ATP8B4: variants seen among roughly 807,000 people sequenced by gnomAD.
ATP8B4 encodes ATPase phospholipid transporting 8B4 (putative).
In ATP8B4, 133 loss-of-function variants were observed where a neutral mutation model predicts 145.6. The ratio of observed to expected loss-of-function variants is 0.91; its 90% CI spans 0.79 to 1.05. ATP8B4 has a LOEUF of 1.05. Ranked by LOEUF, ATP8B4 falls within the 50% of genes least tolerant of loss-of-function variation. ATP8B4 has a pLI of 0.00. For missense variants in ATP8B4, 1,458 were observed against 1,425.2 expected (o/e 1.02, Z -0.37); for synonymous variants, 507 against 492.9 (o/e 1.03, Z -0.38).
At chr15:49,935,913 A>G (rs2041697241) in intron 14 of ATP8B4, among the ~76,000 whole-genome samples, 1 of 152,140 alleles carries the variant, frequency 6.6e-6, no homozygotes, top group African/African-American at 2.4e-5. Flanking sequence ...CAGTTCATCA[A>G]TTATAAACAC....
At chr15:49,977,624 T>C (rs2045786069) in intron 12 of ATP8B4, among the ~76,000 whole-genome samples, 1 of 152,034 alleles carries the variant, frequency 6.6e-6, no homozygotes, top group Non-Finnish European at 1.5e-5. Context: ...TATGTGGAAG[T>C]GTAAAATATA....
Position 49,972,637 on chromosome 15 carries a change from G to A in ATP8B4, c.1188C>T (p.Thr396=). 3.1e-6 allele frequency: 5 copies of A among 1,613,810 alleles called. No homozygotes were observed. Among genetic ancestry groups the A allele is most frequent in the South Asian group, 1.1e-5 (1 of 91,058 alleles). The change falls in exon 13 of 28, where the codon ACC becomes ACT. Residue 396 remains threonine (T), a synonymous_variant. Transcript: ENST00000284509. ...IEYIFSDKTG[T]LTQNIMTFKR... ...TAAAGGTCATGATGTTTTGAGTGAG[G>A]GTACCCGTTTTGTCGGAGAAAATGT...
chr15:50,160,300 C>T (rs1276860472), intron 1 of ATP8B4, among the ~76,000 whole-genome samples: 1 of 151,394 alleles, frequency 6.6e-6, no homozygotes, highest in Admixed American at 6.6e-5. Context: ...CTTAGTCTGG[C>T]TAAAGATTTG....
intron 21 of ATP8B4, among the ~76,000 whole-genome samples, chr15:49,899,098 T>C (rs768389527): frequency 6.6e-6 from 1 of 152,238 alleles, no homozygotes; most frequent in Non-Finnish European, 1.5e-5. Context: ...GCATTCCTTT[T>C]GAGTTTCATC....
intron 1 of ATP8B4, among the ~76,000 whole-genome samples, chr15:50,128,384 G>A (rs1033346372): frequency 5.3e-5 from 8 of 152,244 alleles, no homozygotes; most frequent in African/African-American, 1.9e-4. Context: ...GGAGCAGTAT[G>A]GAACACTGGA....
intron 3 of ATP8B4, among the ~76,000 whole-genome samples, chr15:50,050,926 C>T (rs1340147841): frequency 6.6e-6 from 1 of 152,122 alleles, no homozygotes; most frequent in Non-Finnish European, 1.5e-5. Context: ...TTTGGGGTAA[C>T]TTGTTTTAGG....
Position 50,106,981 on chromosome 15 carries a change from T to G in ATP8B4, c.-15A>C. 6.3e-7 allele frequency: 1 copy of G among 1,583,858 alleles called. No individual in the cohort carries two copies. Among genetic ancestry groups the G allele is most frequent in the African/African-American group, 1.4e-5 (1 of 73,682 alleles). On this transcript the variant is annotated 5_prime_UTR_variant, in exon 2 of 28. Transcript: ENST00000284509. ...CTGCAGAACATTATTATACCTGATC[T>G]TTCACCAGGTCTCAACAGGTGGCCT...
rs185864923 is a variant in ATP8B4 at position 49,900,701 on chromosome 15, C to A, written c.2289+391G>T. On this transcript the variant is annotated intron_variant, in intron 21 of 27. Transcript: ENST00000284509. ...TACATGAAGGTCAGGTTGTGCTCCA[C>A]AAATCACAAACATTAGTAAGAGCAA... 3.0e-4 allele frequency among the ~76,000 whole-genome samples: 46 copies of A among 152,238 alleles called. No homozygotes were observed. The East Asian group carries it at 8.9e-3, about 29-fold the overall frequency.
At chr15:49,982,577 C>G (rs1027222589) in intron 10 of ATP8B4, 1 of 152,074 alleles carries the variant, frequency 6.6e-6, no homozygotes, top group African/African-American at 2.4e-5. Flanking sequence ...AAAACACACA[C>G]ACACATACAC....
chr15:49,977,860 C>G (rs909477826), intron 12 of ATP8B4, among the ~76,000 whole-genome samples: 2 of 151,616 alleles, frequency 1.3e-5, no homozygotes, highest in African/African-American at 2.4e-5. Context: ...TCTTTTAATC[C>G]CCTTATTTTA....
In ATP8B4 at chr15:49,918,360, T is replaced by C. The variant is rs543311648; in HGVS notation, c.2035+479A>G. Among the ~76,000 whole-genome samples the C allele has an allele frequency of 6.6e-5, 10 of 152,294 alleles. No homozygotes were observed. In the South Asian group the frequency reaches 2.1e-3, roughly 32 times the overall value. On this transcript the variant is annotated intron_variant, in intron 19 of 27. Transcript: ENST00000284509. ...TAAAATACCAAAATATTTCTATAAA[T>C]GGTTGATAAACAGCTGTTTCCCTGA...
rs564082011 is a variant in ATP8B4, at chr15:49,987,368, T to C, written c.748+23A>G. ...GTTGCAGGAAAGGTTCCCACAGAGCTGGCCTTGGGTCACATGCTGTACCTG... is the reference window on the plus strand; with the variant it reads ...GTTGCAGGAAAGGTTCCCACAGAGCCGGCCTTGGGTCACATGCTGTACCTG... On this transcript the variant is annotated intron_variant, in intron 10 of 27. Transcript: ENST00000284509. 28 of 1,610,292 alleles carry C rather than the reference T, an allele frequency of 1.7e-5. No homozygotes were observed. In the East Asian group the frequency reaches 3.1e-4, roughly 18 times the overall value.
intron 9 of ATP8B4, among the ~76,000 whole-genome samples, chr15:49,988,736 T>A (rs1004613673): frequency 6.6e-6 from 1 of 152,142 alleles, no homozygotes; most frequent in African/African-American, 2.4e-5. Context: ...ACTGACTCCA[T>A]CCACTCTTCA....
At chr15:49,897,252 AAACAAAC>A in intron 23 of ATP8B4, 33 bp downstream of exon 23, 1 of 1,535,186 alleles carries the variant, frequency 6.5e-7, no homozygotes, top group South Asian at 1.2e-5. Flanking sequence ...ATACAAAAAC[AAACAAAC>A]AAACAAACAA....
At chr15:49,974,081 CT>C (rs5812500) in intron 12 of ATP8B4, among the ~76,000 whole-genome samples, 234 of 126,702 alleles carry the variant, frequency 1.8e-3, no homozygotes, top group African/African-American at 3.8e-3. Flanking sequence ...TATCATTTGT[CT>C]TTTTTTTTTT....
At chr15:49,948,499 C>T (rs988619730) in intron 14 of ATP8B4, among the ~76,000 whole-genome samples, 1 of 152,098 alleles carries the variant, frequency 6.6e-6, no homozygotes, top group East Asian at 1.9e-4. Flanking sequence ...GAAAAGGCAA[C>T]TTATGGAATA....
chr15:50,156,107 A>AATATATATATATATAAAT (rs1395246010), intron 1 of ATP8B4, among the ~76,000 whole-genome samples: 3 of 27,116 alleles, frequency 1.1e-4, no homozygotes, highest in Non-Finnish European at 2.5e-4. Flanking sequence ...TATATATATA[A>AATATATATATATATAAAT]ATATATATAT....
At chr15:50,074,601 T>A (rs2054059825) in intron 2 of ATP8B4, among the ~76,000 whole-genome samples, 1 of 152,160 alleles carries the variant, frequency 6.6e-6, no homozygotes, top group South Asian at 2.1e-4. Context: ...CATACAGAAC[T>A]GGCCAGTGAG....
At chr15:50,145,635 C>T (rs2044266385) in intron 1 of ATP8B4, among the ~76,000 whole-genome samples, 1 of 152,080 alleles carries the variant, frequency 6.6e-6, no homozygotes, top group African/African-American at 2.4e-5. Flanking sequence ...AATTAGGCCC[C>T]CTACTCTCTT....
Sources: allele counts gnomAD v4.1 joint callset (sites outside exome capture counted in the v4.1 genomes callset), GRCh38; gene constraint gnomAD v4.1.1; transcripts MANE v1.5; gene names NCBI Gene and HGNC (gene_info 2026-07-23, HGNC 2026-07-21).